The following NRXN1 variants were observed in gnomAD, a reference collection of about 807,000 sequenced individuals.
The protein encoded by NRXN1 is neurexin 1.
Under a neutral mutation model 150.9 loss-of-function variants are expected in NRXN1, and 39 were observed. That is an observed-to-expected ratio of 0.26 (90% CI 0.20 to 0.34). The LOEUF (loss-of-function observed/expected upper bound fraction) is 0.34, where lower values mean the gene tolerates loss of function less well. Among genes scored for constraint, NRXN1 ranks in the 10% least tolerant of loss-of-function variants. The pLI is 1.00. For synonymous variants in NRXN1, 924 were observed against 757.0 expected, an observed-to-expected ratio of 1.22 and a Z score of -3.62; for missense variants, 1,815 against 1,949.9, an observed-to-expected ratio of 0.93 and a Z score of 1.30.
intron 5 of NRXN1, among the ~76,000 whole-genome samples, chr2:50,786,079 A>G (rs553871926): frequency 9.2e-5 from 14 of 152,100 alleles, no homozygotes; most frequent in Non-Finnish European, 5.9e-5. Flanking sequence ...AGCAGAATGC[A>G]AATAATGACT....
In NRXN1 at chr2:50,978,551, T is replaced by C. The variant is rs7574412; in HGVS notation, c.772+48951A>G. On this transcript the variant is annotated intron_variant, in intron 2 of 22. Coordinates refer to ENST00000401669, the MANE Select transcript of NRXN1 (RefSeq NM_001330078.2). ...AACTTCTGATACTGTAAACAAAATG[T>C]TGGAATAAATATCCGATTACTATAA... is the stretch of plus-strand genomic sequence containing the variant. 6.6e-3 allele frequency among the ~76,000 whole-genome samples: 1,002 copies of C among 151,826 alleles called. 9 individuals carry two copies. The highest frequency in any genetic ancestry group is 0.021 in the African/African-American group (884 of 41,516).
intron 5 of NRXN1, among the ~76,000 whole-genome samples, chr2:50,766,437 C>T (rs1702389662): frequency 6.6e-6 from 1 of 151,984 alleles, no homozygotes; most frequent in South Asian, 2.1e-4. Flanking sequence ...ACAAGCTCCT[C>T]AGTGATTGGC....
intron 18 of NRXN1, among the ~76,000 whole-genome samples, chr2:50,162,110 T>A (rs1232391938): frequency 6.6e-6 from 1 of 152,166 alleles, no homozygotes; most frequent in Non-Finnish European, 1.5e-5. Context: ...AGCAGCAAAT[T>A]GGTTAACTTA....
chr2:50,807,321 T>G (rs1216072644), intron 5 of NRXN1, among the ~76,000 whole-genome samples: 1 of 152,142 alleles, frequency 6.6e-6, no homozygotes, highest in East Asian at 1.9e-4. Context: ...GGTAGACCAC[T>G]CAAGGGATCA....
At chr2:50,078,002 T>C (rs2152679710) in intron 19 of NRXN1, among the ~76,000 whole-genome samples, 2 of 152,172 alleles carry the variant, frequency 1.3e-5, no homozygotes, top group East Asian at 3.9e-4. Context: ...TTGAGAAATA[T>C]TCTACCCATG....
chr2:50,118,514 G>C (rs556897828), intron 18 of NRXN1, among the ~76,000 whole-genome samples: 1 of 151,736 alleles, frequency 6.6e-6, no homozygotes, highest in Non-Finnish European at 1.5e-5. Context: ...TAATTGGTGT[G>C]TGTTTCAGCT....
At chr2:50,542,370 C>T (rs1056942065) in intron 9 of NRXN1, among the ~76,000 whole-genome samples, 3 of 152,066 alleles carry the variant, frequency 2.0e-5, no homozygotes, top group Non-Finnish European at 4.4e-5. Flanking sequence ...ACCTTTAATT[C>T]AAATTTAATC....
chr2:50,515,600 G>GGGGTGTGT (rs952552460), intron 12 of NRXN1, among the ~76,000 whole-genome samples: 64 of 143,508 alleles, frequency 4.5e-4, no homozygotes, highest in African/African-American at 1.5e-3. Flanking sequence ...AAATGCTTGG[G>GGGGTGTGT]GTGTGTGTGT....
intron 8 of NRXN1, among the ~76,000 whole-genome samples, chr2:50,586,447 G>C (rs115351679): frequency 6.6e-6 from 1 of 151,920 alleles, no homozygotes; most frequent in Non-Finnish European, 1.5e-5. Flanking sequence ...ATAAAGGTAG[G>C]AGTCATTTTC....
intron 5 of NRXN1, among the ~76,000 whole-genome samples, chr2:50,682,077 T>G (rs1658923465): frequency 6.6e-6 from 1 of 152,124 alleles, no homozygotes; most frequent in Non-Finnish European, 1.5e-5. Flanking sequence ...TGTTGGCCAT[T>G]AAAGACAAGG....
intron 8 of NRXN1, among the ~76,000 whole-genome samples, chr2:50,609,118 T>C (rs1297459442): frequency 3.3e-5 from 5 of 152,116 alleles, no homozygotes; most frequent in Admixed American, 3.3e-4. Flanking sequence ...CTGATAATAT[T>C]ATGTATGATT....
At chr2:49,996,442 C>G (rs1392272027) in intron 21 of NRXN1, among the ~76,000 whole-genome samples, 1 of 152,140 alleles carries the variant, frequency 6.6e-6, no homozygotes. Context: ...GTATGGTAGG[C>G]TAAATCCATC....
chr2:50,191,727 G>A (rs548989762), intron 18 of NRXN1, among the ~76,000 whole-genome samples: 1 of 152,236 alleles, frequency 6.6e-6, no homozygotes, highest in South Asian at 2.1e-4. Flanking sequence ...TAGTTCCCCT[G>A]AGATCCATCT....
At chr2:50,870,074 T>C (rs1362652175) in intron 5 of NRXN1, among the ~76,000 whole-genome samples, 1 of 151,866 alleles carries the variant, frequency 6.6e-6, no homozygotes, top group Non-Finnish European at 1.5e-5. Context: ...TCTCCAGAAT[T>C]ATCATAATTT....
intron 5 of NRXN1, among the ~76,000 whole-genome samples, chr2:50,894,417 G>A (rs972983257): frequency 6.0e-5 from 9 of 150,798 alleles, no homozygotes; most frequent in African/African-American, 2.2e-4. Flanking sequence ...CAGCAAAAAT[G>A]ATTAAAGTCA....
intron 5 of NRXN1, among the ~76,000 whole-genome samples, chr2:50,654,516 A>C (rs1259654568): frequency 6.6e-6 from 1 of 152,054 alleles, no homozygotes; most frequent in Admixed American, 6.6e-5. Flanking sequence ...TTATAGCAGC[A>C]TGATTTATAA....
chr2:50,327,666 T>C (rs1193388918), intron 17 of NRXN1, among the ~76,000 whole-genome samples: 2 of 151,854 alleles, frequency 1.3e-5, no homozygotes, highest in Non-Finnish European at 2.9e-5. Context: ...TTTTTTTTTG[T>C]TTTGACAGAG....
chr2:50,678,684 T>A (rs1689900850), intron 5 of NRXN1, among the ~76,000 whole-genome samples: 1 of 152,160 alleles, frequency 6.6e-6, no homozygotes, highest in Non-Finnish European at 1.5e-5. Context: ...GAGATATTTT[T>A]GACTGTTCGT....
At chr2:50,059,815 G>C (rs115066941) in intron 19 of NRXN1, among the ~76,000 whole-genome samples, 1,645 of 152,296 alleles carry the variant, frequency 0.011, 19 homozygotes, top group Admixed American at 0.025. Context: ...ATGTAGTGTT[G>C]AGCCCGTGGG....
Sources: allele counts gnomAD v4.1 joint callset (sites outside exome capture counted in the v4.1 genomes callset), GRCh38; gene constraint gnomAD v4.1.1; transcripts MANE v1.5; gene names NCBI Gene and HGNC (gene_info 2026-07-23, HGNC 2026-07-21).